NTM: variants seen among roughly 807,000 people sequenced by gnomAD.
NTM encodes the protein IgLON family member 2.
NTM carries 13 observed loss-of-function variants against 42.1 expected under a neutral mutation model. The ratio of observed to expected loss-of-function variants is 0.31; its 90% confidence interval spans 0.20 to 0.49. The LOEUF is 0.49. Among genes scored for constraint, NTM ranks in the 20% least tolerant of loss-of-function variants. NTM has a pLI of 0.99. For synonymous variants in NTM, 187 were observed against 179.2 expected (o/e 1.04, Z -0.35); for missense variants, 373 against 452.8 (o/e 0.82, Z 1.60).
chr11:131,930,801 C>T (rs11825344), intron 2 of NTM, among the ~76,000 whole-genome samples: 10,223 of 152,188 alleles, frequency 0.067, 1,145 homozygotes, highest in African/African-American at 0.23. Context: ...TATGTATTCT[C>T]CTTCAAATGT....
At chr11:131,614,562 G>A (rs902860833) in intron 1 of NTM, among the ~76,000 whole-genome samples, 7 of 152,224 alleles carry the variant, frequency 4.6e-5, no homozygotes, top group African/African-American at 7.2e-5. Flanking sequence ...AGGGGTGCAG[G>A]ATTATTCCTT....
chr11:132,202,442 C>T lies in NTM; in HGVS notation c.401-9580C>T, dbSNP rs931962831. The stretch of plus-strand genomic sequence containing the variant: ...TAAAGCCAGTCATATAGCCCCAACC[C>T]AAAGCATGCACTGCCATACATGGAA... On this transcript the variant is annotated intron_variant, in intron 3 of 8. Transcript: ENST00000683400. Among the ~76,000 whole-genome samples, 4 of 152,160 alleles carry T rather than the reference C, an allele frequency of 2.6e-5. No homozygotes were observed. In the East Asian group the frequency reaches 5.8e-4, roughly 22 times the overall value.
At chr11:131,501,533 T>TGG in intron 1 of NTM, among the ~76,000 whole-genome samples, 1 of 152,290 alleles carries the variant, frequency 6.6e-6, no homozygotes, top group Non-Finnish European at 1.5e-5. Context: ...TGGGAGCTAC[T>TGG]GGAGGGTCTT....
At chr11:131,633,987 C>T (rs1215273757) in intron 1 of NTM, among the ~76,000 whole-genome samples, 2 of 151,964 alleles carry the variant, frequency 1.3e-5, no homozygotes, top group African/African-American at 4.8e-5. Flanking sequence ...AATGAGACAG[C>T]CCAAAATCAT....
intron 2 of NTM, among the ~76,000 whole-genome samples, chr11:132,009,462 G>A (rs924161506): frequency 1.4e-4 from 21 of 152,186 alleles, no homozygotes; most frequent in African/African-American, 5.1e-4. Flanking sequence ...AAATCCTACT[G>A]CAGACAGTGA....
At chr11:131,958,281 G>T (rs1416361107) in intron 2 of NTM, among the ~76,000 whole-genome samples, 21 of 152,058 alleles carry the variant, frequency 1.4e-4, no homozygotes, top group Non-Finnish European at 1.5e-4. Context: ...GAGTGATGGG[G>T]CAGGGGTAGG....
chr11:131,713,640 G>A (rs1445585512), intron 1 of NTM, among the ~76,000 whole-genome samples: 5 of 151,936 alleles, frequency 3.3e-5, no homozygotes, highest in African/African-American at 1.2e-4. Flanking sequence ...TTTTTCCTCT[G>A]TATTTCTAAG....
intron 4 of NTM, among the ~76,000 whole-genome samples, chr11:132,286,519 C>T (rs765912750): frequency 1.1e-4 from 17 of 152,060 alleles, no homozygotes; most frequent in Non-Finnish European, 2.4e-4. Flanking sequence ...CCTGTCCGCC[C>T]CCCCCACCCA....
At chr11:131,558,760 T>C (rs150559550) in intron 1 of NTM, among the ~76,000 whole-genome samples, 2 of 152,120 alleles carry the variant, frequency 1.3e-5, no homozygotes, top group African/African-American at 4.8e-5. Context: ...GAGGATAGTG[T>C]CAGCTGGAGG....
At chr11:131,968,543 T>G (rs2063131603) in intron 2 of NTM, among the ~76,000 whole-genome samples, 1 of 152,134 alleles carries the variant, frequency 6.6e-6, no homozygotes, top group Non-Finnish European at 1.5e-5. Context: ...GGATGCCCAT[T>G]TCTGTGTCTC....
At chr11:131,393,163 C>G (rs1461637407) in intron 1 of NTM, among the ~76,000 whole-genome samples, 1 of 152,154 alleles carries the variant, frequency 6.6e-6, no homozygotes, top group African/African-American at 2.4e-5. Flanking sequence ...GTTAGCCCAT[C>G]TCCCTGAGCC....
Position 132,002,159 on chromosome 11 carries a change from G to A in NTM, c.167+90511G>A, listed in dbSNP as rs943148658. 4.6e-5 allele frequency among the ~76,000 whole-genome samples: 7 copies of A among 152,174 alleles called. No homozygotes were observed. Among genetic ancestry groups the A allele is most frequent in the Non-Finnish European group, 8.8e-5 (6 of 68,034 alleles). ...GAGGGTGGAGGCTCTTCAAATGTCCGATTAAAGGTATTGGACTTTTCTCCA... is the reference window on the plus strand; with the variant it reads ...GAGGGTGGAGGCTCTTCAAATGTCCAATTAAAGGTATTGGACTTTTCTCCA... On this transcript the variant is annotated intron_variant, in intron 2 of 8. Transcript: ENST00000683400. This position sits in a 1 kb window ranked among gnomAD's most constrained non-coding sequence, Gnocchi z 4.5.
chr11:131,965,620 G>C lies in NTM; in HGVS notation c.167+53972G>C, dbSNP rs557388046. 5.3e-5 allele frequency among the ~76,000 whole-genome samples: 8 copies of C among 152,312 alleles called. No homozygotes were observed. The East Asian group carries it at 9.7e-4, about 18-fold the overall frequency. On this transcript the variant is annotated intron_variant, in intron 2 of 8. Coordinates refer to ENST00000683400, the MANE Select transcript of NTM (RefSeq NM_001352005.2). Reference sequence around the variant, plus strand: ...ATGATGAAGAATAGAAGCTTAACGAGGTTGAGTGCTTTGAGTAAGCTCGCT... The same window carrying C: ...ATGATGAAGAATAGAAGCTTAACGACGTTGAGTGCTTTGAGTAAGCTCGCT...
At chr11:132,293,351 C>T (rs891736759) in intron 4 of NTM, among the ~76,000 whole-genome samples, 3 of 152,168 alleles carry the variant, frequency 2.0e-5, no homozygotes, top group Admixed American at 6.5e-5. Flanking sequence ...TGGGTAGCCC[C>T]CACTTGACAG....
intron 1 of NTM, among the ~76,000 whole-genome samples, chr11:131,378,999 T>C (rs1942312299): frequency 6.6e-6 from 1 of 152,166 alleles, no homozygotes; most frequent in African/African-American, 2.4e-5. Flanking sequence ...TGAAAACTTG[T>C]TTGTTTTCTG....
At chr11:132,168,772 T>C (rs182143826) in intron 3 of NTM, among the ~76,000 whole-genome samples, 227 of 152,290 alleles carry the variant, frequency 1.5e-3, no homozygotes, top group African/African-American at 5.0e-3. Context: ...TTAAGTCAAC[T>C]TAGGGCCAGA....
chr11:131,644,559 T>A (rs1160266638), intron 1 of NTM, among the ~76,000 whole-genome samples: 3 of 152,230 alleles, frequency 2.0e-5, no homozygotes, highest in African/African-American at 7.2e-5. Flanking sequence ...AAGTTTATTT[T>A]CTAAACACCA....
intron 1 of NTM, among the ~76,000 whole-genome samples, chr11:131,408,776 C>G (rs779928279): frequency 2.0e-5 from 3 of 152,224 alleles, no homozygotes; most frequent in Non-Finnish European, 4.4e-5. Context: ...TCCTGCCCTG[C>G]AGACATCACA....
At chr11:131,425,995 A>C (rs1371903881) in intron 1 of NTM, among the ~76,000 whole-genome samples, 1 of 152,146 alleles carries the variant, frequency 6.6e-6, no homozygotes, top group African/African-American at 2.4e-5. Context: ...CAGGCGAGAC[A>C]TGAGGCTGAT....
Sources: gnomAD v4.1 joint callset for allele counts (sites outside exome capture counted in the v4.1 genomes callset) on GRCh38, gnomAD v4.1.1 for gene constraint, Gnocchi (gnomAD v3.1) non-coding constraint, MANE v1.5 for transcripts, NCBI Gene and HGNC (gene_info 2026-07-23, HGNC 2026-07-21) for gene names.